Variants in BARX2 observed in about 807,000 individuals in gnomAD.
BARX2 encodes the protein BARX homeobox 2.
In BARX2, 11 loss-of-function variants were observed where a neutral mutation model predicts 25.5. That is an observed-to-expected ratio of 0.43 (90% CI 0.27 to 0.71). The LOEUF (loss-of-function observed/expected upper bound fraction) is 0.71. BARX2 is among the 30% of genes least tolerant of loss of function. BARX2 has a pLI of 0.19. For synonymous variants in BARX2, 137 were observed against 149.5 expected (o/e 0.92, Z 0.61); for missense variants, 360 against 359.9 (o/e 1.00, Z 0.00).
intron 3 of BARX2, among the ~76,000 whole-genome samples, chr11:129,447,028 T>C (rs1862338473): frequency 1.3e-5 from 2 of 152,128 alleles, no homozygotes; most frequent in African/African-American, 4.8e-5. Context: ...AGTGGCCCAT[T>C]TTACATATCC....
At chr11:129,383,205 T>C (rs2135383991) in intron 1 of BARX2, among the ~76,000 whole-genome samples, 1 of 152,316 alleles carries the variant, frequency 6.6e-6, no homozygotes, top group Middle Eastern at 3.4e-3. Context: ...TAGTAACAGT[T>C]AGAAGAAGGA....
intron 1 of BARX2, among the ~76,000 whole-genome samples, chr11:129,426,769 T>A (rs1474817291): frequency 6.6e-6 from 1 of 152,070 alleles, no homozygotes; most frequent in Admixed American, 6.6e-5. Context: ...TGAGAAGGGC[T>A]GTGCCTTGGG....
At chr11:129,382,795 G>T (rs73567399) in intron 1 of BARX2, among the ~76,000 whole-genome samples, 1,661 of 152,264 alleles carry the variant, frequency 0.011, 30 homozygotes, top group African/African-American at 0.037. Flanking sequence ...TTTTCCCCGA[G>T]AACTTGCTAA....
chr11:129,443,029 A>T (rs927318640), intron 3 of BARX2, 110 bp downstream of exon 3: 10 of 929,824 alleles, frequency 1.1e-5, no homozygotes, highest in African/African-American at 1.6e-5. Flanking sequence ...CAGAGATTGG[A>T]AGGCCTTCTA....
At chr11:129,397,612 C>T (rs1205183507) in intron 1 of BARX2, among the ~76,000 whole-genome samples, 7 of 152,180 alleles carry the variant, frequency 4.6e-5, no homozygotes, top group South Asian at 2.1e-4. Context: ...GGACCATTTA[C>T]GCACCAGGCG....
chr11:129,386,070 G>T (rs1353516559), intron 1 of BARX2, among the ~76,000 whole-genome samples: 1 of 152,174 alleles, frequency 6.6e-6, no homozygotes, highest in East Asian at 1.9e-4. Flanking sequence ...CTGATTGAGG[G>T]TATTATTTAT....
chr11:129,429,680 C>T (rs1490731166), intron 1 of BARX2, among the ~76,000 whole-genome samples: 1 of 152,102 alleles, frequency 6.6e-6, no homozygotes, highest in Non-Finnish European at 1.5e-5. Context: ...ATAATAGGAT[C>T]ATATATTAGT....
chr11:129,422,746 C>T lies in BARX2; in HGVS notation c.188-14005C>T, dbSNP rs948112580. On this transcript the variant is annotated intron_variant, in intron 1 of 3. Coordinates refer to ENST00000281437, the MANE Select transcript of BARX2 (RefSeq NM_003658.5). ...GAGATGGAGTTTCACTCTTTTCGCCCGGACTGGAGTGCAATGGCACCATCT... is the reference window on the plus strand; with the variant it reads ...GAGATGGAGTTTCACTCTTTTCGCCTGGACTGGAGTGCAATGGCACCATCT... 3.9e-4 allele frequency among the ~76,000 whole-genome samples: 58 copies of T among 149,538 alleles called. 1 individual carries two copies. Among genetic ancestry groups the T allele is most frequent in the South Asian group, 2.1e-3 (10 of 4,724 alleles).
In BARX2 at chr11:129,452,163, A is replaced by G. The variant is rs1639089055; in HGVS notation, c.*761A>G. 2.0e-5 allele frequency: 3 copies of G among 152,102 alleles called. No individual in the cohort carries two copies. Among genetic ancestry groups the G allele is most frequent in the African/African-American group, 4.8e-5 (2 of 41,408 alleles). 9.4% of individuals were successfully genotyped at this position (152,102 alleles called of 1,614,324 possible). On this transcript the variant is annotated 3_prime_UTR_variant, in exon 4 of 4. Coordinates refer to ENST00000281437, the MANE Select transcript of BARX2 (RefSeq NM_003658.5). ...GGTCATCACCAAGATCTGATTTTTC[A>G]TAAAAAACATTTGTGACCTTCGGCA...
intron 1 of BARX2, among the ~76,000 whole-genome samples, chr11:129,411,914 C>T (rs962813865): frequency 6.6e-6 from 1 of 152,188 alleles, no homozygotes; most frequent in South Asian, 2.1e-4. Context: ...TCGAGGAACT[C>T]GGTTGGAGCT....
At chr11:129,380,675 G>A (rs948660646) in intron 1 of BARX2, among the ~76,000 whole-genome samples, 2 of 152,206 alleles carry the variant, frequency 1.3e-5, no homozygotes, top group Non-Finnish European at 2.9e-5. Context: ...CATTGTAAGG[G>A]TAAATAAATA....
chr11:129,442,672 C>G (rs1332095539), intron 2 of BARX2, 163 bp from the exon 3 acceptor site: 1 of 701,766 alleles, frequency 1.4e-6, no homozygotes, highest in Admixed American at 2.0e-5. Context: ...CTGTTGGATT[C>G]TTGGAAGGAA....
At chr11:129,393,626 A>G (rs1218262448) in intron 1 of BARX2, among the ~76,000 whole-genome samples, 3 of 152,070 alleles carry the variant, frequency 2.0e-5, no homozygotes, top group Non-Finnish European at 2.9e-5. Flanking sequence ...GACACAGTTC[A>G]ATATTTTATC....
intron 1 of BARX2, among the ~76,000 whole-genome samples, chr11:129,381,021 C>T (rs1278596478): frequency 3.9e-5 from 6 of 152,102 alleles, no homozygotes; most frequent in African/African-American, 1.2e-4. Flanking sequence ...GTGATCCACC[C>T]GCCTCGGCCT....
At chr11:129,432,779 A>G (rs191371385) in intron 1 of BARX2, among the ~76,000 whole-genome samples, 2 of 152,100 alleles carry the variant, frequency 1.3e-5, no homozygotes, top group African/African-American at 2.4e-5. Context: ...AAAAAATTTT[A>G]AAAAAAAGAT....
intron 3 of BARX2, among the ~76,000 whole-genome samples, chr11:129,446,205 A>G (rs1591450300): frequency 6.6e-6 from 1 of 152,172 alleles, no homozygotes; most frequent in Non-Finnish European, 1.5e-5. Context: ...GAGCCTCATT[A>G]TTTGGTGGTC....
At chr11:129,419,343 A>G (rs1861978737) in intron 1 of BARX2, among the ~76,000 whole-genome samples, 1 of 152,236 alleles carries the variant, frequency 6.6e-6, no homozygotes, top group African/African-American at 2.4e-5. Flanking sequence ...AACGTGCTGT[A>G]GGAACTTCAC....
In BARX2 at chr11:129,451,258, G is replaced by A. The variant is rs1862396288; in HGVS notation, c.696G>A (p.Glu232=). 1 of 1,614,196 alleles carries A rather than the reference G, an allele frequency of 6.2e-7. No individual in the cohort carries two copies. The highest frequency in any genetic ancestry group is 2.2e-5 in the East Asian group (1 of 44,882). The change falls in exon 4 of 4, where the codon GAG becomes GAA. Residue 232 remains glutamate, a synonymous_variant. Coordinates refer to ENST00000281437, the MANE Select transcript of BARX2 (RefSeq NM_003658.5). The part of the protein sequence containing the change: ...EKMNSQAQGQ[E]QLEPSQGQEE... ...TGAACAGCCAGGCCCAGGGTCAGGA[G>A]CAGCTGGAGCCCTCTCAGGGGCAGG...
intron 1 of BARX2, among the ~76,000 whole-genome samples, chr11:129,405,793 C>T (rs1052376527): frequency 2.0e-5 from 3 of 152,160 alleles, no homozygotes; most frequent in Non-Finnish European, 4.4e-5. Flanking sequence ...GCCTCTGTTG[C>T]GATGTCCCCT....
Sources: gnomAD v4.1 joint callset for allele counts (sites outside exome capture counted in the v4.1 genomes callset) on GRCh38, gnomAD v4.1.1 for gene constraint, MANE v1.5 for transcripts, NCBI Gene and HGNC (gene_info 2026-07-23, HGNC 2026-07-21) for gene names.